The following KPLCE variants were observed in gnomAD, a reference collection of about 807,000 sequenced individuals.
KPLCE encodes protein KPLCE.
chr1:152,719,978 A>G, the KPLCE span: 6 of 1,551,616 alleles, frequency 3.9e-6, no homozygotes, highest in African/African-American at 2.7e-5. Context: ...AAGTGGCTCA[A>G]CCTCCCAGTA....
At chr1:152,719,815 C>A in the KPLCE span, 14 of 1,551,752 alleles carry the variant, frequency 9.0e-6, no homozygotes, top group Middle Eastern at 1.7e-4. Context: ...GCCAGACAAC[C>A]TATGTAAAAT....
At chr1:152,720,376 T>G in the KPLCE span, 2 of 991,550 alleles carry the variant, frequency 2.0e-6, no homozygotes, top group Non-Finnish European at 1.5e-6. Context: ...ATGTAGAACC[T>G]CATCACTTTG....
chr1:152,719,836 C>G, the KPLCE span: 1 of 1,551,570 alleles, frequency 6.4e-7, no homozygotes, highest in Non-Finnish European at 8.7e-7. Context: ...GCCCAACTCC[C>G]TGCCAAACCT....
the KPLCE span, chr1:152,719,721 A>G: frequency 6.4e-7 from 1 of 1,552,110 alleles, no homozygotes; most frequent in South Asian, 1.2e-5. Flanking sequence ...ACTCAAACCT[A>G]CGTGAAGTGC....
chr1:152,719,686 T>C, the KPLCE span: 12 of 1,552,102 alleles, frequency 7.7e-6, no homozygotes, highest in South Asian at 9.5e-5. Flanking sequence ...CTCAAACTTA[T>C]GTGAAGTACC....
At chr1:152,720,104 A>G in the KPLCE span, 5 of 1,551,688 alleles carry the variant, frequency 3.2e-6, no homozygotes, top group East Asian at 1.2e-4. Context: ...GAACTGCAAC[A>G]CAGGATCATC....
chr1:152,720,221 A>T, the KPLCE span: 1 of 1,551,484 alleles, frequency 6.4e-7, no homozygotes, highest in Non-Finnish European at 8.7e-7. Context: ...AATTATCCCC[A>T]TGAGGTCCCG....
chr1:152,720,016 C>T, the KPLCE span: 6 of 1,551,696 alleles, frequency 3.9e-6, no homozygotes, highest in Non-Finnish European at 4.4e-6. Flanking sequence ...GCTCTGCTCC[C>T]TGTTCCACCA....
the KPLCE span, chr1:152,719,676 C>G: frequency 1.0e-5 from 16 of 1,552,194 alleles, no homozygotes; most frequent in Non-Finnish European, 1.4e-5. Context: ...CCATGCCCTA[C>G]TCAAACTTAT....
chr1:152,720,229 C>T, the KPLCE span: 2 of 1,551,290 alleles, frequency 1.3e-6, no homozygotes, highest in Non-Finnish European at 1.7e-6. Flanking sequence ...CCATGAGGTC[C>T]CGAGGTCCTG....
At chr1:152,719,748 G>A in the KPLCE span, 1 of 1,549,794 alleles carries the variant, frequency 6.5e-7, no homozygotes, top group South Asian at 1.2e-5. Flanking sequence ...CCCTGCCAGA[G>A]GACCTATGTG....
At chr1:152,720,347 C>T in the KPLCE span, 2 of 1,267,736 alleles carry the variant, frequency 1.6e-6, no homozygotes, top group East Asian at 2.5e-5. Flanking sequence ...TTCTGGCCCC[C>T]TCTCTGTTAG....
chr1:152,719,958 A>G, the KPLCE span: 7 of 1,551,792 alleles, frequency 4.5e-6, no homozygotes, highest in African/African-American at 6.8e-5. Context: ...TATTATGTTC[A>G]AGCTCCTGCA....
At chr1:152,719,692 G>C in the KPLCE span, 2 of 1,552,004 alleles carry the variant, frequency 1.3e-6, no homozygotes, top group Admixed American at 2.0e-5. Context: ...CTTATGTGAA[G>C]TACCAAGTTC....
At chr1:152,720,285 G>A in the KPLCE span, 1 of 1,529,726 alleles carries the variant, frequency 6.5e-7, no homozygotes, top group Non-Finnish European at 8.8e-7. Flanking sequence ...ACATACGACA[G>A]CTCAACTCCA....
chr1:152,720,110 T>C, the KPLCE span: 1 of 1,551,684 alleles, frequency 6.4e-7, no homozygotes, highest in Non-Finnish European at 8.7e-7. Flanking sequence ...CAACACAGGA[T>C]CATCTGGCTG....
the KPLCE span, chr1:152,719,742 GC>G: frequency 2.0e-5 from 31 of 1,551,994 alleles, no homozygotes; most frequent in Non-Finnish European, 2.6e-5. Flanking sequence ...CCAGCTCCCT[GC>G]CAGAGGACCT....
At chr1:152,720,166 T>C in the KPLCE span, 1 of 1,551,732 alleles carries the variant, frequency 6.4e-7, no homozygotes, top group Admixed American at 2.0e-5. Context: ...CTGGGGGCTG[T>C]GGCTGCAGCT....
the KPLCE span, chr1:152,719,986 G>A: frequency 1.3e-6 from 2 of 1,551,832 alleles, no homozygotes; most frequent in South Asian, 2.4e-5. Context: ...CAACCTCCCA[G>A]TACTGTGTCA....
Sources: gnomAD v4.1 joint callset for allele counts on GRCh38, gnomAD v4.1.1 for gene constraint, MANE v1.5 for transcripts, NCBI Gene and HGNC (gene_info 2026-07-23, HGNC 2026-07-21) for gene names.